DGKI: variants seen among roughly 807,000 people sequenced by gnomAD.
DGKI encodes the protein diacylglycerol kinase iota, also known as DAG kinase iota.
Under a neutral mutation model 147.5 loss-of-function variants are expected in DGKI, and 55 were observed. That is an observed-to-expected ratio of 0.37 (90% CI 0.30 to 0.47). The LOEUF is 0.47. Among genes scored for constraint, DGKI ranks in the 20% least tolerant of loss-of-function variants. The probability of loss-of-function intolerance (pLI) is 1.00; values close to 1 mark genes in which losing one functional copy is unlikely to be tolerated. For synonymous variants in DGKI, 469 were observed against 477.1 expected (o/e 0.98, Z 0.22); for missense variants, 1,007 against 1,323.8 (o/e 0.76, Z 3.71).
chr7:137,532,233 T>A (rs1817365808), intron 20 of DGKI, among the ~76,000 whole-genome samples: 1 of 152,086 alleles, frequency 6.6e-6, no homozygotes, highest in Non-Finnish European at 1.5e-5. Flanking sequence ...ACTCTACAGA[T>A]TGTGTGGTAG....
At chr7:137,596,001 C>CAAAA (rs71177914) in intron 12 of DGKI, among the ~76,000 whole-genome samples, 924 of 44,516 alleles carry the variant, frequency 0.021, 6 homozygotes, top group Non-Finnish European at 0.026. Flanking sequence ...GACTCCGTCT[C>CAAAA]AAAAAAAAAA....
chr7:137,520,185 A>G (rs1190106978), intron 21 of DGKI, among the ~76,000 whole-genome samples: 5 of 152,122 alleles, frequency 3.3e-5, no homozygotes, highest in Non-Finnish European at 1.5e-5. Flanking sequence ...ATCTCATTTC[A>G]GCTAAAAATT....
rs747944363 is a variant in DGKI at position 137,390,994 on chromosome 7, C to A, written c.*226G>T. On this transcript the variant is annotated 3_prime_UTR_variant, in exon 33 of 33. Coordinates refer to ENST00000614521, the MANE Select transcript of DGKI (RefSeq NM_001321708.2). ...AGGATCAAATTTTGTGGAACTCGTA[C>A]TGTATTCCACAAATCTCCAGGTATC... 9.3e-5 allele frequency: 50 copies of A among 538,890 alleles called. No individual in the cohort carries two copies. The highest frequency in any genetic ancestry group is 1.5e-4 in the Non-Finnish European group (46 of 303,522). The allele number at this position is 538,890 out of a possible 1,614,324, so 33.4% of individuals were successfully genotyped here.
At chr7:137,835,007 G>A (rs780455378) in intron 1 of DGKI, among the ~76,000 whole-genome samples, 2 of 152,012 alleles carry the variant, frequency 1.3e-5, no homozygotes, top group Non-Finnish European at 2.9e-5. Context: ...CATGAATTAT[G>A]CTTGTCTTGT....
At chr7:137,437,237 T>C (rs1198675397) in intron 28 of DGKI, among the ~76,000 whole-genome samples, 1 of 152,222 alleles carries the variant, frequency 6.6e-6, no homozygotes. Context: ...AGATTGCCTA[T>C]ATAGAATTCT....
chr7:137,822,149 G>T (rs990280522), intron 1 of DGKI, among the ~76,000 whole-genome samples: 9 of 152,190 alleles, frequency 5.9e-5, no homozygotes, highest in African/African-American at 1.7e-4. Flanking sequence ...GCTGACACCT[G>T]TAATCCCAGC....
chr7:137,443,399 G>A (rs1273713007), intron 28 of DGKI, among the ~76,000 whole-genome samples: 1 of 152,062 alleles, frequency 6.6e-6, no homozygotes, highest in Non-Finnish European at 1.5e-5. Flanking sequence ...ATACAAAGGG[G>A]CCCCAAACCA....
chr7:137,642,361 G>A (rs1821659725), intron 6 of DGKI, among the ~76,000 whole-genome samples: 1 of 152,262 alleles, frequency 6.6e-6, no homozygotes, highest in African/African-American at 2.4e-5. Context: ...CTGGGAAGGG[G>A]TCCTCTCCAT....
Position 137,846,764 on chromosome 7 carries a change from C to A in DGKI, c.99G>T (p.Pro33=), listed in dbSNP as rs1339388966. 11 of 1,036,138 alleles carry A rather than the reference C, an allele frequency of 1.1e-5. No homozygotes were observed. The South Asian group carries it at 4.9e-4, about 46-fold the overall frequency. 64.2% of individuals were successfully genotyped at this position (1,036,138 alleles called of 1,614,324 possible). A position where few individuals can be genotyped will look rare whatever the true frequency, so the allele number is the denominator to read the frequency against. ...PAAAAAAAAS[P]PGPCSGAACA... ...AGGCGGCGCCGCTGCAGGGGCCGGG[C>A]GGGCTGGCGGCGGCGGCGGCGGCGG... The change falls in exon 1 of 33, where the codon CCG becomes CCT. Residue 33 remains proline, a synonymous_variant. Transcript: ENST00000614521. This position sits in a 1 kb window ranked among gnomAD's most constrained non-coding sequence, Gnocchi z 4.0.
At chr7:137,704,945 GAAGA>G (rs1391753342) in intron 1 of DGKI, among the ~76,000 whole-genome samples, 2 of 152,132 alleles carry the variant, frequency 1.3e-5, no homozygotes, top group African/African-American at 4.8e-5. Flanking sequence ...AATCAAAAAT[GAAGA>G]AAGAAATTCT....
At chr7:137,722,037 A>G in intron 1 of DGKI, 1 of 1,587,524 alleles carries the variant, frequency 6.3e-7, no homozygotes. Context: ...AGAAACCTGA[A>G]GCCAAGAAGG....
chr7:137,436,246 T>C (rs1430002275), intron 28 of DGKI, among the ~76,000 whole-genome samples: 2 of 152,224 alleles, frequency 1.3e-5, no homozygotes, highest in African/African-American at 4.8e-5. Context: ...TTATGAAGTA[T>C]GGGGCTACAA....
chr7:137,538,526 T>C (rs1817588710), intron 20 of DGKI, among the ~76,000 whole-genome samples: 1 of 152,210 alleles, frequency 6.6e-6, no homozygotes, highest in Admixed American at 6.5e-5. Flanking sequence ...TATGTTTAAA[T>C]TGCAACTGCT....
intron 1 of DGKI, among the ~76,000 whole-genome samples, chr7:137,793,047 T>C (rs1796905901): frequency 1.3e-5 from 2 of 152,266 alleles, no homozygotes; most frequent in Admixed American, 6.5e-5. Flanking sequence ...ATAGTTGCTA[T>C]TATTGCTATT....
At chr7:137,843,493 A>G in intron 1 of DGKI, 1 of 930,618 alleles carries the variant, frequency 1.1e-6, no homozygotes. Context: ...CTCATGGGAA[A>G]AATGGTTCTC....
intron 20 of DGKI, among the ~76,000 whole-genome samples, chr7:137,536,619 T>C (rs562627712): frequency 6.6e-6 from 1 of 152,282 alleles, no homozygotes; most frequent in South Asian, 2.1e-4. Context: ...CTGATAGGAA[T>C]TCGAAGGACC....
At chr7:137,624,202 A>G (rs893302550) in intron 6 of DGKI, among the ~76,000 whole-genome samples, 2 of 152,230 alleles carry the variant, frequency 1.3e-5, no homozygotes, top group African/African-American at 4.8e-5. Context: ...CATCCAGAAC[A>G]GAAGAGGTGA....
intron 5 of DGKI, among the ~76,000 whole-genome samples, chr7:137,646,738 T>C (rs1260824856): frequency 6.6e-6 from 1 of 152,182 alleles, no homozygotes; most frequent in Non-Finnish European, 1.5e-5. Context: ...CTTGAATATA[T>C]ATTCAATTAT....
intron 12 of DGKI, among the ~76,000 whole-genome samples, chr7:137,594,394 A>C (rs1819718110): frequency 6.6e-6 from 1 of 152,142 alleles, no homozygotes; most frequent in African/African-American, 2.4e-5. Context: ...CTAATATTGA[A>C]GCCTAAGAAC....
Sources: gnomAD v4.1 joint callset for allele counts (sites outside exome capture counted in the v4.1 genomes callset) on GRCh38, gnomAD v4.1.1 for gene constraint, Gnocchi (gnomAD v3.1) non-coding constraint, MANE v1.5 for transcripts, NCBI Gene and HGNC (gene_info 2026-07-23, HGNC 2026-07-21) for gene names.